IDO2: variants seen among roughly 807,000 people sequenced by gnomAD.
IDO2 encodes indoleamine 2,3-dioxygenase-like 1 protein.
IDO2 carries 46 observed loss-of-function variants against 45.1 expected under a neutral mutation model. The ratio of observed to expected loss-of-function variants is 1.02; its 90% CI spans 0.80 to 1.30. IDO2 has a LOEUF of 1.30. IDO2 is among the 50% of genes most tolerant of loss of function. IDO2 has a pLI of 0.00. For missense variants in IDO2, 544 were observed against 491.8 expected, an observed-to-expected ratio of 1.11 and a Z score of -1.00; for synonymous variants, 218 against 184.9, an observed-to-expected ratio of 1.18 and a Z score of -1.45.
intron 3 of IDO2, among the ~76,000 whole-genome samples, chr8:39,976,726 C>A (rs1288000601): frequency 6.6e-6 from 1 of 152,166 alleles, no homozygotes; most frequent in Non-Finnish European, 1.5e-5. Context: ...TTGGCCCTCC[C>A]AAACTGAGGC....
intron 4 of IDO2, among the ~76,000 whole-genome samples, chr8:39,979,644 C>T (rs976655393): frequency 6.6e-6 from 1 of 151,998 alleles, no homozygotes; most frequent in African/African-American, 2.4e-5. Flanking sequence ...TGAGCCACTG[C>T]GTTCAGCCTG....
chr8:39,980,230 C>T (rs1218049414), intron 4 of IDO2, among the ~76,000 whole-genome samples: 1 of 152,064 alleles, frequency 6.6e-6, no homozygotes, highest in South Asian at 2.1e-4. Flanking sequence ...AGAGCCATAC[C>T]GGCCCATTTT....
At chr8:40,003,945 A>G (rs1802177179) in intron 8 of IDO2, among the ~76,000 whole-genome samples, 1 of 152,026 alleles carries the variant, frequency 6.6e-6, no homozygotes, top group South Asian at 2.1e-4. Context: ...TGTTTTCATC[A>G]TGAGTGGATT....
intron 9 of IDO2, 52 bp from the exon 10 acceptor site, chr8:40,013,513 T>A: frequency 6.6e-7 from 1 of 1,525,332 alleles, no homozygotes; most frequent in Non-Finnish European, 8.9e-7. Flanking sequence ...TCAGAAAATA[T>A]ACCATTACCT....
chr8:39,944,472 G>C (rs1807702428), intron 1 of IDO2, among the ~76,000 whole-genome samples: 1 of 152,126 alleles, frequency 6.6e-6, no homozygotes, highest in Non-Finnish European at 1.5e-5. Context: ...AAGAGAGCCA[G>C]ACAGACTCCA....
At chr8:39,998,141 C>G (rs877291) in intron 8 of IDO2, 89,891 of 190,754 alleles carry the variant, frequency 0.47, 21,937 homozygotes, top group South Asian at 0.56. Flanking sequence ...AAAATCCTCT[C>G]CACTGGCCAT....
At chr8:39,991,565 C>CTTTTTTTTTTT in intron 8 of IDO2, among the ~76,000 whole-genome samples, 1 of 103,332 alleles carries the variant, frequency 9.7e-6, no homozygotes. Flanking sequence ...AGACTCACTT[C>CTTTTTTTTTTT]TTTTTTTTTT....
chr8:40,010,586 G>A (rs1437305470), intron 9 of IDO2, among the ~76,000 whole-genome samples: 1 of 152,188 alleles, frequency 6.6e-6, no homozygotes, highest in Admixed American at 6.5e-5. Context: ...GTGGTGGCTT[G>A]TACTAGGGTA....
intron 10 of IDO2, 137 bp from the exon 11 acceptor site, chr8:40,015,110 A>G (rs943600265): frequency 3.6e-5 from 21 of 586,630 alleles, no homozygotes; most frequent in African/African-American, 3.4e-4. Context: ...AGCTGAGATC[A>G]CACCACTGCA....
At chr8:40,009,512 C>T (rs2955889) in intron 9 of IDO2, among the ~76,000 whole-genome samples, 8,840 of 150,916 alleles carry the variant, frequency 0.059, 292 homozygotes, top group Middle Eastern at 0.13. Context: ...TAGAAAGTTG[C>T]TACAAGAAAG....
At chr8:39,978,542 G>A (rs1325506032) in intron 3 of IDO2, among the ~76,000 whole-genome samples, 1 of 152,140 alleles carries the variant, frequency 6.6e-6, no homozygotes, top group Non-Finnish European at 1.5e-5. Flanking sequence ...TAGGCATGGA[G>A]GGCGGGGGTG....
intron 8 of IDO2, 28 bp from the exon 9 acceptor site, chr8:40,005,299 A>T: frequency 1.3e-6 from 2 of 1,540,978 alleles, no homozygotes; most frequent in Non-Finnish European, 1.8e-6. Context: ...TGCCTGTAGT[A>T]AAGTTCACAT....
chr8:39,941,671 T>G, intron 1 of IDO2, among the ~76,000 whole-genome samples: 1 of 151,826 alleles, frequency 6.6e-6, no homozygotes, highest in South Asian at 2.1e-4. Flanking sequence ...ATAAGAACAC[T>G]GAGATAGAGA....
chr8:40,015,963 CTT>C (rs386724685), exon 11 of IDO2: 155,276 of 366,146 alleles, frequency 0.42, 33,723 homozygotes, highest in South Asian at 0.55. Flanking sequence ...TGTTGATTTT[CTT>C]AAAAAACAAA....
chr8:39,948,365 CA>C (rs1229800059), intron 1 of IDO2, among the ~76,000 whole-genome samples: 4 of 152,180 alleles, frequency 2.6e-5, no homozygotes, highest in Admixed American at 6.5e-5. Context: ...TAATTGTCTG[CA>C]TGTAACTTCT....
chr8:39,942,299 T>C (rs1287346011), intron 1 of IDO2, among the ~76,000 whole-genome samples: 1 of 152,176 alleles, frequency 6.6e-6, no homozygotes, highest in African/African-American at 2.4e-5. Flanking sequence ...GCCATGTAGC[T>C]AATAGATGAT....
At chr8:39,937,995 T>C (rs1481223008) in intron 1 of IDO2, among the ~76,000 whole-genome samples, 1 of 152,220 alleles carries the variant, frequency 6.6e-6, no homozygotes, top group Admixed American at 6.5e-5. Context: ...AAATGTAAAA[T>C]GTGTATTTTA....
intron 2 of IDO2, 24 bp downstream of exon 2, chr8:39,949,288 A>G (rs1807781772): frequency 6.6e-7 from 1 of 1,519,744 alleles, no homozygotes; most frequent in African/African-American, 1.4e-5. Context: ...CTTGGTAAGG[A>G]TAGGTCAGAA....
At chr8:40,009,921 C>T (rs1309869896) in intron 9 of IDO2, among the ~76,000 whole-genome samples, 1 of 152,100 alleles carries the variant, frequency 6.6e-6, no homozygotes, top group East Asian at 1.9e-4. Context: ...ATTTTTAAAT[C>T]ATTCATTTAT....
Sources: allele counts gnomAD v4.1 joint callset (sites outside exome capture counted in the v4.1 genomes callset), GRCh38; gene constraint gnomAD v4.1.1; transcripts MANE v1.5; gene names NCBI Gene and HGNC (gene_info 2026-07-23, HGNC 2026-07-21).